Variants in ZC3H18 observed in about 807,000 individuals in gnomAD.
The protein encoded by ZC3H18 is zinc finger CCCH domain-containing protein 18.
In ZC3H18, 8 loss-of-function variants were observed where a neutral mutation model predicts 106.1. That is an observed-to-expected ratio of 0.08 (90% CI 0.04 to 0.14). ZC3H18 has a LOEUF of 0.14. Among genes scored for constraint, ZC3H18 ranks in the 10% least tolerant of loss-of-function variants. The pLI, the probability that ZC3H18 is intolerant of heterozygous loss-of-function variation, is 1.00. For missense variants in ZC3H18, 1,318 were observed against 1,278.4 expected (o/e 1.03, Z -0.47); for synonymous variants, 635 against 522.1 (o/e 1.22, Z -2.95).
chr16:88,577,812 G>T, intron 2 of ZC3H18, 86 bp downstream of exon 2: 1 of 1,599,772 alleles, frequency 6.3e-7, no homozygotes, highest in Non-Finnish European at 8.5e-7. Context: ...ACTCTGTGTG[G>T]GACTGACTTA....
intron 1 of ZC3H18, among the ~76,000 whole-genome samples, chr16:88,570,810 C>T (rs952804088): frequency 7.2e-5 from 11 of 152,142 alleles, no homozygotes; most frequent in African/African-American, 2.4e-4. Context: ...CGCCCGAGCT[C>T]CTCGCGCGCT....
At chr16:88,609,158 C>G (rs1905155789) in intron 7 of ZC3H18, 107 bp downstream of exon 7, 3 of 841,110 alleles carry the variant, frequency 3.6e-6, no homozygotes, top group Non-Finnish European at 3.5e-6. Flanking sequence ...GCTTATAGAG[C>G]CAGCACAATG....
rs1906194085 is a variant in ZC3H18, at chr16:88,624,733, C to A, written c.2030C>A (p.Thr677Asn). The change falls in exon 12 of 18, where the codon ACC (threonine) becomes AAC (asparagine). Residue 677 changes from threonine to asparagine, a missense_variant. Coordinates refer to ENST00000301011, the MANE Select transcript of ZC3H18 (RefSeq NM_144604.4). ...AGGAGGAAGGAGCGGCCAGCCAGGACCCCCCCCAGGAGGTGAGCACTCCGG... is the reference window on the plus strand; with the variant it reads ...AGGAGGAAGGAGCGGCCAGCCAGGAACCCCCCCAGGAGGTGAGCACTCCGG... Reference protein sequence around the residue: ...EARRKERPARTPPRRRTLSGS... With the variant: ...EARRKERPARNPPRRRTLSGS... 1.9e-6 allele frequency: 3 copies of A among 1,608,256 alleles called. No homozygotes were observed. Among genetic ancestry groups the A allele is most frequent in the Admixed American group, 1.7e-5 (1 of 59,482 alleles).
intron 8 of ZC3H18, among the ~76,000 whole-genome samples, chr16:88,615,001 A>C (rs1267869063): frequency 1.9e-4 from 14 of 74,490 alleles, no homozygotes; most frequent in African/African-American, 2.2e-4. Flanking sequence ...GGCTGCCCCC[A>C]CCTCCTCCAT....
At chr16:88,589,722 G>A (rs141947959) in intron 3 of ZC3H18, among the ~76,000 whole-genome samples, 15 of 152,196 alleles carry the variant, frequency 9.9e-5, no homozygotes, top group African/African-American at 2.6e-4. Flanking sequence ...CCTTAAAGAC[G>A]TGCTGAGTGA....
chr16:88,575,076 G>T (rs948786467), intron 1 of ZC3H18, among the ~76,000 whole-genome samples: 1 of 149,188 alleles, frequency 6.7e-6, no homozygotes, highest in African/African-American at 2.5e-5. Flanking sequence ...TGATCCACCC[G>T]CCTCGGCCTC....
At chr16:88,630,457 G>A in intron 16 of ZC3H18, 28 bp from the exon 17 acceptor site, 1 of 1,593,400 alleles carries the variant, frequency 6.3e-7, no homozygotes, top group Non-Finnish European at 8.6e-7. Context: ...CATCAGGAGG[G>A]TGGTCTCACT....
chr16:88,629,585 G>T (rs1468424930), intron 16 of ZC3H18, among the ~76,000 whole-genome samples: 1 of 152,214 alleles, frequency 6.6e-6, no homozygotes, highest in Non-Finnish European at 1.5e-5. Flanking sequence ...ACGGAAGACG[G>T]CTGGACCCAC....
At chr16:88,577,782 A>G in intron 2 of ZC3H18, 56 bp downstream of exon 2, 1 of 1,610,780 alleles carries the variant, frequency 6.2e-7, no homozygotes, top group Non-Finnish European at 8.5e-7. Context: ...CCTGACATAG[A>G]CTGGTGCTGG....
chr16:88,590,564 C>CTTTGTTTTTTTTTTT (rs1555534142), intron 3 of ZC3H18, among the ~76,000 whole-genome samples: 1 of 100,672 alleles, frequency 9.9e-6, no homozygotes, highest in Non-Finnish European at 1.9e-5. Context: ...TTCTTTATTT[C>CTTTGTTTTTTTTTTT]TTTTTTTTTT....
chr16:88,599,717 G>T lies in ZC3H18; in HGVS notation c.931-74G>T. On this transcript the variant is annotated intron_variant, in intron 5 of 17. Coordinates refer to ENST00000301011, the MANE Select transcript of ZC3H18 (RefSeq NM_144604.4). The stretch of plus-strand genomic sequence containing the variant: ...AGGGCTGCTGCGGTCGGGTGGGACG[G>T]CTCCCTTTGTGTTTCCTAACAGCGA... The T allele has an allele frequency of 1.6e-5, 24 of 1,527,016 alleles. 1 individual carries two copies. In the South Asian group the frequency reaches 2.5e-4, roughly 16 times the overall value. The allele number at this position is 1,527,016 out of a possible 1,614,324, so 94.6% of individuals were successfully genotyped here.
At chr16:88,577,946 A>C (rs1408456158) in intron 2 of ZC3H18, among the ~76,000 whole-genome samples, 1 of 152,226 alleles carries the variant, frequency 6.6e-6, no homozygotes, top group African/African-American at 2.4e-5. Flanking sequence ...AGCTGCCAGC[A>C]GGGTTTCCGT....
intron 8 of ZC3H18, among the ~76,000 whole-genome samples, chr16:88,615,299 G>A (rs1199059721): frequency 6.6e-6 from 1 of 151,182 alleles, no homozygotes; most frequent in East Asian, 2.0e-4. Flanking sequence ...CCTCTGCACA[G>A]GGAAGTCTCC....
At chr16:88,623,501 C>T (rs1418367529) in intron 10 of ZC3H18, 157 bp downstream of exon 10, 2 of 974,030 alleles carry the variant, frequency 2.1e-6, no homozygotes, top group Middle Eastern at 2.9e-4. Flanking sequence ...TCCTGTGTCC[C>T]CCACCAAACA....
At chr16:88,624,870 G>A (rs1370625252) in intron 12 of ZC3H18, 125 bp downstream of exon 12, 9 of 1,363,162 alleles carry the variant, frequency 6.6e-6, no homozygotes, top group East Asian at 5.1e-5. Flanking sequence ...CCCCCTAGCC[G>A]AGCAGCACCC....
intron 2 of ZC3H18, among the ~76,000 whole-genome samples, chr16:88,583,651 C>G (rs1199001312): frequency 6.6e-6 from 1 of 152,200 alleles, no homozygotes; most frequent in African/African-American, 2.4e-5. Context: ...GTGTGTATTT[C>G]CCCTGTGGTG....
intron 8 of ZC3H18, among the ~76,000 whole-genome samples, chr16:88,613,516 C>T (rs999090924): frequency 1.8e-4 from 27 of 152,096 alleles, no homozygotes; most frequent in Middle Eastern, 3.2e-3. Context: ...TGCTGCGGTC[C>T]GTCTTGTTGA....
At chr16:88,572,343 GC>G (rs1914460400) in intron 1 of ZC3H18, among the ~76,000 whole-genome samples, 1 of 152,064 alleles carries the variant, frequency 6.6e-6, no homozygotes, top group African/African-American at 2.4e-5. Context: ...TCACTCTGTT[GC>G]CCAGGCTGGA....
Position 88,598,722 on chromosome 16 carries a change from A to T in ZC3H18, c.930+10A>T, listed in dbSNP as rs372779939. 637 of 1,606,308 alleles carry T rather than the reference A, an allele frequency of 4.0e-4. 2 individuals carry two copies. Among genetic ancestry groups the T allele is most frequent in the Middle Eastern group, 1.5e-3 (9 of 6,078 alleles). ...CCGGCATGCAAAGGAGGTAAACACA[A>T]TTCAGCAGAAATCCCGACAAGAAAG... is the stretch of plus-strand genomic sequence containing the variant. On this transcript the variant is annotated intron_variant, in intron 5 of 17. Transcript: ENST00000301011.
Sources: allele counts gnomAD v4.1 joint callset (sites outside exome capture counted in the v4.1 genomes callset), GRCh38; gene constraint gnomAD v4.1.1; transcripts MANE v1.5; gene names NCBI Gene and HGNC (gene_info 2026-07-23, HGNC 2026-07-21).